Variants in PRKD1 observed in about 807,000 individuals in gnomAD.
PRKD1 encodes protein kinase D1, also known as serine/threonine-protein kinase D1.
PRKD1 carries 63 observed loss-of-function variants against 95.9 expected under a neutral mutation model. The ratio of observed to expected loss-of-function variants is 0.66; its 90% CI spans 0.54 to 0.81. The LOEUF is 0.81. PRKD1 is among the 30% of genes least tolerant of loss of function. The pLI is 0.00. For missense variants in PRKD1, 1,048 were observed against 1,165.3 expected, an observed-to-expected ratio of 0.90 and a Z score of 1.47; for synonymous variants, 425 against 423.1, an observed-to-expected ratio of 1.00 and a Z score of -0.05.
chr14:29,578,274 C>T lies in PRKD1; in HGVS notation c.2520+1G>A. 2 of 1,596,220 alleles carry T rather than the reference C, an allele frequency of 1.3e-6. No individual in the cohort carries two copies. The highest frequency in any genetic ancestry group is 1.7e-6 in the Non-Finnish European group (2 of 1,169,332). ...AAGAAAACTCAGTGATTATTGTTTA[C>T]CTGTAGCCAAGGGTGGCTCAAGGTC... On this transcript the variant is annotated splice_donor_variant, in intron 17 of 17. Coordinates refer to ENST00000331968, the MANE Select transcript of PRKD1 (RefSeq NM_002742.3). LOFTEE classifies it high-confidence loss of function.
intron 1 of PRKD1, among the ~76,000 whole-genome samples, chr14:29,856,136 G>C (rs1892491236): frequency 6.6e-6 from 1 of 152,086 alleles, no homozygotes; most frequent in South Asian, 2.1e-4. Flanking sequence ...ACATCACAAA[G>C]GGTATAAAGG....
At chr14:29,616,513 A>G (rs564300812) in intron 13 of PRKD1, among the ~76,000 whole-genome samples, 1 of 151,970 alleles carries the variant, frequency 6.6e-6, no homozygotes, top group African/African-American at 2.4e-5. Context: ...GTGTGATCAT[A>G]GCTCACTGCA....
At chr14:29,606,659 T>C (rs1196719741) in intron 13 of PRKD1, among the ~76,000 whole-genome samples, 1 of 152,154 alleles carries the variant, frequency 6.6e-6, no homozygotes, top group Non-Finnish European at 1.5e-5. Context: ...GTCAGGATAT[T>C]CCCTTCCCTC....
intron 2 of PRKD1, among the ~76,000 whole-genome samples, chr14:29,699,822 C>T (rs1252413575): frequency 6.6e-6 from 1 of 152,136 alleles, no homozygotes; most frequent in African/African-American, 2.4e-5. Context: ...CATTTTTATA[C>T]ACAAATATAT....
intron 13 of PRKD1, among the ~76,000 whole-genome samples, chr14:29,620,797 A>G (rs1242334158): frequency 6.6e-6 from 1 of 152,138 alleles, no homozygotes. Flanking sequence ...AAGTAGAAAT[A>G]CCATTTGACC....
At chr14:29,871,932 G>A (rs574534802) in intron 1 of PRKD1, among the ~76,000 whole-genome samples, 3 of 152,314 alleles carry the variant, frequency 2.0e-5, no homozygotes, top group African/African-American at 7.2e-5. Flanking sequence ...GATGAAAGGG[G>A]TGTGTGAAAG....
intron 1 of PRKD1, among the ~76,000 whole-genome samples, chr14:29,786,672 T>C (rs892982882): frequency 1.3e-5 from 2 of 152,134 alleles, no homozygotes; most frequent in African/African-American, 4.8e-5. Context: ...ATTTCTGTGG[T>C]ATCAGCTGTA....
intron 1 of PRKD1, among the ~76,000 whole-genome samples, chr14:29,784,135 T>C (rs1242641837): frequency 6.6e-6 from 1 of 152,230 alleles, no homozygotes; most frequent in East Asian, 1.9e-4. Context: ...CCACTTTGAA[T>C]TGACTTTCTA....
At chr14:29,819,356 A>G (rs1890815324) in intron 1 of PRKD1, among the ~76,000 whole-genome samples, 1 of 152,148 alleles carries the variant, frequency 6.6e-6, no homozygotes, top group Admixed American at 6.5e-5. Flanking sequence ...TCAGGAATTA[A>G]AAAAAGTCTG....
chr14:29,597,354 G>T, intron 16 of PRKD1, 137 bp downstream of exon 16: 2 of 883,514 alleles, frequency 2.3e-6, no homozygotes, highest in Non-Finnish European at 1.6e-6. Flanking sequence ...ATTAATTCGT[G>T]TCTTTGTGTC....
chr14:29,912,034 G>A (rs1036596294), intron 1 of PRKD1, among the ~76,000 whole-genome samples: 2 of 152,130 alleles, frequency 1.3e-5, no homozygotes, highest in Non-Finnish European at 2.9e-5. Flanking sequence ...GTCAGCAAAA[G>A]GGCACTGAAT....
chr14:29,668,263 T>C (rs1055987260), intron 2 of PRKD1, among the ~76,000 whole-genome samples: 3 of 152,172 alleles, frequency 2.0e-5, no homozygotes. Flanking sequence ...ACAAAGTGAA[T>C]GCTGTAATTC....
In PRKD1 at chr14:29,617,856, C is replaced by A. The variant is rs571934853; in HGVS notation, c.1905+6296G>T. 8.8e-3 allele frequency among the ~76,000 whole-genome samples: 1,339 copies of A among 151,810 alleles called. 17 individuals carry two copies. The highest frequency in any genetic ancestry group is 0.031 in the African/African-American group (1,265 of 41,324). ...CTGAGGTGGGAGGATGACTTAAGTT[C>A]AGAAGTTCAAGGCCAGTCTGGGTAA... On this transcript the variant is annotated intron_variant, in intron 13 of 17. Coordinates refer to ENST00000331968, the MANE Select transcript of PRKD1 (RefSeq NM_002742.3).
chr14:29,612,184 A>G (rs1878516572), intron 13 of PRKD1, among the ~76,000 whole-genome samples: 2 of 152,228 alleles, frequency 1.3e-5, no homozygotes, highest in Admixed American at 1.3e-4. Context: ...AATACCTTAC[A>G]TCTGTATAAG....
At chr14:29,861,011 GA>G (rs999544767) in intron 1 of PRKD1, among the ~76,000 whole-genome samples, 244 of 152,238 alleles carry the variant, frequency 1.6e-3, no homozygotes, top group African/African-American at 5.5e-3. Context: ...GAACCTAGAT[GA>G]AATGGACCTC....
At chr14:29,582,063 C>T (rs1892773201) in intron 16 of PRKD1, among the ~76,000 whole-genome samples, 1 of 151,878 alleles carries the variant, frequency 6.6e-6, no homozygotes. Context: ...TGAGACACAT[C>T]AGTTCTTGGT....
intron 1 of PRKD1, among the ~76,000 whole-genome samples, chr14:29,761,564 G>T (rs1887983977): frequency 3.3e-5 from 5 of 152,124 alleles, no homozygotes; most frequent in Admixed American, 3.3e-4. Context: ...CACATTTAAA[G>T]TTCTCATGCC....
At chr14:29,866,294 T>C (rs370107696) in intron 1 of PRKD1, among the ~76,000 whole-genome samples, 4 of 152,230 alleles carry the variant, frequency 2.6e-5, no homozygotes, top group African/African-American at 9.6e-5. Flanking sequence ...ACAATCATTT[T>C]ATATACAAAG....
intron 1 of PRKD1, among the ~76,000 whole-genome samples, chr14:29,787,407 C>T (rs1889325662): frequency 6.6e-6 from 1 of 151,882 alleles, no homozygotes; most frequent in African/African-American, 2.4e-5. Context: ...TCTAGATGAT[C>T]TTTCCAGTGC....
Sources: gnomAD v4.1 joint callset for allele counts (sites outside exome capture counted in the v4.1 genomes callset) on GRCh38, gnomAD v4.1.1 for gene constraint, MANE v1.5 for transcripts, NCBI Gene and HGNC (gene_info 2026-07-23, HGNC 2026-07-21) for gene names.